Variants in PSIP1 observed in about 807,000 individuals in gnomAD.
PSIP1 encodes PC4 and SFRS1-interacting protein.
A neutral mutation model predicts 74.7 loss-of-function variants in PSIP1; 19 were observed. The ratio of observed to expected loss-of-function variants is 0.25; its 90% CI spans 0.18 to 0.37. The LOEUF is 0.37. PSIP1 is among the 10% of genes least tolerant of loss of function. The pLI, the probability that PSIP1 is intolerant of heterozygous loss-of-function variation, is 1.00. For missense variants in PSIP1, 601 were observed against 614.3 expected (o/e 0.98, Z 0.23); for synonymous variants, 222 against 195.3 (o/e 1.14, Z -1.14).
At chr9:15,503,115 C>A (rs920923462) in intron 3 of PSIP1, among the ~76,000 whole-genome samples, 4 of 152,104 alleles carry the variant, frequency 2.6e-5, no homozygotes, top group Admixed American at 2.0e-4. Context: ...ACCTGTAATC[C>A]CAGCACTTTG....
At chr9:15,505,293 A>C (rs2037536416) in intron 3 of PSIP1, 1 of 152,190 alleles carries the variant, frequency 6.6e-6, no homozygotes, top group Non-Finnish European at 1.5e-5. Context: ...TAGACCTGAC[A>C]ACACACTTTG....
At chr9:15,466,570 CTG>C (rs1491083157) in intron 15 of PSIP1, among the ~76,000 whole-genome samples, 176 bp downstream of exon 15, 3 of 152,190 alleles carry the variant, frequency 2.0e-5, no homozygotes, top group Admixed American at 2.0e-4. Flanking sequence ...GGCAAAGTCA[CTG>C]TCAATAAAAG....
intron 8 of PSIP1, among the ~76,000 whole-genome samples, chr9:15,476,451 C>CT (rs1336310911): frequency 6.6e-6 from 1 of 152,156 alleles, no homozygotes; most frequent in Non-Finnish European, 1.5e-5. Flanking sequence ...CGTGAAATGA[C>CT]TATCAAGGTG....
At chr9:15,509,910 G>A (rs2037774695) in intron 2 of PSIP1, among the ~76,000 whole-genome samples, 1 of 152,028 alleles carries the variant, frequency 6.6e-6, no homozygotes, top group South Asian at 2.1e-4. Flanking sequence ...TAAACCATAG[G>A]GAAATACACA....
chr9:15,503,713 G>A (rs7018723), intron 3 of PSIP1, among the ~76,000 whole-genome samples: 7 of 150,954 alleles, frequency 4.6e-5, no homozygotes, highest in Admixed American at 3.3e-4. Flanking sequence ...GGGGAAAAAA[G>A]ATCATCAGAG....
chr9:15,470,431 GT>G (rs2035775546), intron 10 of PSIP1, among the ~76,000 whole-genome samples: 1 of 152,046 alleles, frequency 6.6e-6, no homozygotes, highest in African/African-American at 2.4e-5. Context: ...AGATAACACT[GT>G]TTTTAAAATT....
In PSIP1 at chr9:15,478,248, T is replaced by G. The variant is rs968134949; in HGVS notation, c.629+229A>C. Among the ~76,000 whole-genome samples the G allele has an allele frequency of 2.0e-5, 3 of 151,974 alleles. No individual in the cohort carries two copies. The East Asian group carries it at 5.8e-4, about 29-fold the overall frequency. ...TATTTTATGTTGTATTATCTAAGTA[T>G]CTATATAAATTGATATACCCAAGAG... On this transcript the variant is annotated intron_variant, in intron 8 of 15. Transcript: ENST00000380733.
In PSIP1 at chr9:15,495,584, T is replaced by G. The variant is rs577401653; in HGVS notation, c.150-5460A>C. Among the ~76,000 whole-genome samples the G allele has an allele frequency of 5.9e-5, 9 of 152,312 alleles. No homozygotes were observed. The South Asian group carries it at 1.4e-3, about 25-fold the overall frequency. The stretch of plus-strand genomic sequence containing the variant: ...TGTATTAAAAAAAATCTATCAAGAA[T>G]AGTTTGAACAGTGCTTGCCTTCTTC... On this transcript the variant is annotated intron_variant, in intron 3 of 15. Transcript: ENST00000380733.
intron 9 of PSIP1, among the ~76,000 whole-genome samples, 194 bp downstream of exon 9, chr9:15,473,815 T>C (rs2035945563): frequency 6.7e-6 from 1 of 149,688 alleles, no homozygotes; most frequent in Non-Finnish European, 1.5e-5. Flanking sequence ...GCTGGAGAAT[T>C]ACTTGAATCC....
At chr9:15,486,151 AC>A in intron 5 of PSIP1, 83 bp from the exon 6 acceptor site, 5 of 1,144,260 alleles carry the variant, frequency 4.4e-6, no homozygotes, top group Non-Finnish European at 6.4e-6. Flanking sequence ...AGTTACAAGC[AC>A]GTTTAACTGA....
chr9:15,488,287 C>T (rs2036644658), intron 4 of PSIP1, among the ~76,000 whole-genome samples: 2 of 152,020 alleles, frequency 1.3e-5, no homozygotes, highest in South Asian at 2.1e-4. Flanking sequence ...GCCGAGATCA[C>T]GCCACTGCAC....
At chr9:15,479,286 T>C (rs972441596) in intron 7 of PSIP1, among the ~76,000 whole-genome samples, 2 of 152,160 alleles carry the variant, frequency 1.3e-5, no homozygotes, top group Admixed American at 1.3e-4. Flanking sequence ...TATAACTCCA[T>C]TTTGAAATCT....
At chr9:15,465,800 G>C (rs911417825) in intron 15 of PSIP1, 1 of 458,770 alleles carries the variant, frequency 2.2e-6, no homozygotes, top group Non-Finnish European at 3.8e-6. Context: ...GTAATATGCA[G>C]ATGAAGCAAA....
chr9:15,510,043 AAG>A, intron 2 of PSIP1, 72 bp downstream of exon 2: 1 of 1,416,590 alleles, frequency 7.1e-7, no homozygotes, highest in Non-Finnish European at 9.7e-7. Flanking sequence ...AGAAAAAATA[AAG>A]AGACACGGTG....
intron 4 of PSIP1, among the ~76,000 whole-genome samples, chr9:15,488,064 C>T (rs1275572045): frequency 1.3e-5 from 2 of 152,154 alleles, no homozygotes; most frequent in Non-Finnish European, 2.9e-5. Context: ...GGCACAGTGA[C>T]TTATGCCTGT....
intron 7 of PSIP1, 112 bp downstream of exon 7, chr9:15,479,479 C>A (rs1029845190): frequency 8.8e-6 from 6 of 682,434 alleles, no homozygotes; most frequent in Non-Finnish European, 1.2e-5. Context: ...GTATGTTACA[C>A]ATAATCAATT....
intron 8 of PSIP1, among the ~76,000 whole-genome samples, chr9:15,477,595 CA>C (rs1179975119): frequency 2.0e-5 from 3 of 151,892 alleles, no homozygotes; most frequent in Non-Finnish European, 2.9e-5. Flanking sequence ...ACAATAGCCA[CA>C]AAAAGTTTTT....
At chr9:15,476,983 A>T (rs1250153014) in intron 8 of PSIP1, among the ~76,000 whole-genome samples, 3 of 152,148 alleles carry the variant, frequency 2.0e-5, no homozygotes, top group Non-Finnish European at 4.4e-5. Flanking sequence ...GTTCCAGAGG[A>T]ATCAGCCAAA....
At chr9:15,485,635 A>C (rs72706616) in intron 6 of PSIP1, among the ~76,000 whole-genome samples, 2,696 of 152,268 alleles carry the variant, frequency 0.018, 49 homozygotes, top group Non-Finnish European at 0.027. Context: ...AATGGACAAC[A>C]CTTATATAAC....
Sources: allele counts gnomAD v4.1 joint callset (sites outside exome capture counted in the v4.1 genomes callset), GRCh38; gene constraint gnomAD v4.1.1; transcripts MANE v1.5; gene names NCBI Gene and HGNC (gene_info 2026-07-23, HGNC 2026-07-21).